The following CAMLG variants were observed in gnomAD, a reference collection of about 807,000 sequenced individuals.
CAMLG encodes calcium modulating ligand, also known as guided entry of tail-anchored proteins factor CAMLG.
In CAMLG, 23 loss-of-function variants were observed where a neutral mutation model predicts 28.9. The ratio of observed to expected loss-of-function variants is 0.80; its 90% CI spans 0.57 to 1.13. CAMLG has a LOEUF of 1.13. Ranked by LOEUF, CAMLG falls within the 50% of genes most tolerant of loss-of-function variation. The pLI is 0.00. For missense variants in CAMLG, 367 were observed against 371.9 expected (o/e 0.99, Z 0.11); for synonymous variants, 141 against 146.5 (o/e 0.96, Z 0.27).
intron 3 of CAMLG, among the ~76,000 whole-genome samples, chr5:134,744,527 C>CAA (rs751658223): frequency 3.1e-4 from 19 of 60,526 alleles, no homozygotes; most frequent in African/African-American, 6.3e-4. Flanking sequence ...ACTCTGTCTC[C>CAA]AAAAAAAAAA....
At position 134,738,669 on chromosome 5, in the gene CAMLG, C is replaced by T. The variant is rs376579627; in HGVS notation, c.49C>T (p.Pro17Ser). The T allele has an allele frequency of 5.6e-6, 9 of 1,613,520 alleles. No individual in the cohort carries two copies. Among genetic ancestry groups the T allele is most frequent in the Non-Finnish European group, 7.6e-6 (9 of 1,179,814 alleles). The change falls in exon 1 of 4, where the codon CCA becomes TCA. Residue 17 changes from proline to serine, a missense_variant. Pro to Ser is a moderately conservative substitution (Grantham distance 74, BLOSUM62 -1). Transcript: ENST00000297156. ...ATDGGERPGV[P>S]AGSGLSASQR... ...CGACGGCGGGGAGAGGCCGGGGGTC[C>T]CAGCGGGCTCAGGTCTGTCGGCTTC...
intron 3 of CAMLG, among the ~76,000 whole-genome samples, chr5:134,746,130 T>G (rs1449714335): frequency 1.4e-5 from 1 of 70,654 alleles, no homozygotes; most frequent in Non-Finnish European, 2.8e-5. Context: ...AAAGCAAAAC[T>G]CCATCTCAAA....
chr5:134,748,407 G>A (rs1753076150), intron 3 of CAMLG, among the ~76,000 whole-genome samples: 1 of 152,082 alleles, frequency 6.6e-6, no homozygotes, highest in Non-Finnish European at 1.5e-5. Context: ...GCATGATGGT[G>A]GGTACCTATA....
In CAMLG at chr5:134,750,879, C is replaced by T; in HGVS notation, c.820C>T (p.Leu274Phe). The T allele has an allele frequency of 6.2e-7, 1 of 1,613,674 alleles. No homozygotes were observed. The highest frequency in any genetic ancestry group is 8.5e-7 in the Non-Finnish European group (1 of 1,179,782). Residue 274 changes from leucine to phenylalanine, a missense_variant, in exon 4 of 4, where the codon CTC becomes TTC. Coordinates refer to ENST00000297156, the MANE Select transcript of CAMLG (RefSeq NM_001745.4). The stretch of plus-strand genomic sequence containing the variant: ...CAAAATGGGCGAAGTCTTCACAGAT[C>T]TCTGTGTCTACTTTTTCACTTTTAT... Reference protein sequence around the residue: ...YSKMGEVFTDLCVYFFTFIFC... With the variant: ...YSKMGEVFTDFCVYFFTFIFC...
intron 1 of CAMLG, among the ~76,000 whole-genome samples, chr5:134,740,588 C>T (rs2150120628): frequency 6.6e-6 from 1 of 152,152 alleles, no homozygotes; most frequent in South Asian, 2.1e-4. Flanking sequence ...GAGGAAGAAT[C>T]CAGCTTTTTT....
intron 2 of CAMLG, among the ~76,000 whole-genome samples, chr5:134,742,007 A>C (rs570508929): frequency 2.0e-5 from 3 of 152,236 alleles, no homozygotes; most frequent in Admixed American, 6.5e-5. Flanking sequence ...AACAAATAGT[A>C]AATAATACAA....
At position 134,750,901 on chromosome 5, in the gene CAMLG, T is replaced by G. The variant is rs759030222; in HGVS notation, c.842T>G (p.Phe281Cys). 1.2e-6 allele frequency: 2 copies of G among 1,614,102 alleles called. No individual in the cohort carries two copies. Among genetic ancestry groups the G allele is most frequent in the Non-Finnish European group, 1.7e-6 (2 of 1,180,012 alleles). The stretch of plus-strand genomic sequence containing the variant: ...GATCTCTGTGTCTACTTTTTCACTT[T>G]TATCTTTTGTCATGAACTGCTTGAT... ...FTDLCVYFFT[F>C]IFCHELLDYW... Residue 281 changes from phenylalanine (F) to cysteine (C), a missense_variant, in exon 4 of 4, where the codon TTT (phenylalanine) becomes TGT (cysteine). Transcript: ENST00000297156.
At position 134,741,432 on chromosome 5, in the gene CAMLG, C is replaced by A. The variant is rs1032082099; in HGVS notation, c.542C>A (p.Thr181Lys). The change falls in exon 2 of 4, where the codon ACA becomes AAA. Residue 181 changes from threonine (T) to lysine (K), a missense_variant. Physicochemically the swap from Thr to Lys is moderately conservative, Grantham distance 78. Transcript: ENST00000297156. The part of the protein sequence containing the change: ...SEKPSQEDGN[T>K]TEEFDSFRIF... ...AAACCCAGTCAAGAGGATGGAAATA[C>A]AACAGAAGAATTTGACTCTTTTCGA... The A allele has an allele frequency of 6.2e-7, 1 of 1,613,830 alleles. No homozygotes were observed. Among genetic ancestry groups the A allele is most frequent in the Non-Finnish European group, 8.5e-7 (1 of 1,179,702 alleles).
intron 3 of CAMLG, among the ~76,000 whole-genome samples, chr5:134,746,813 CGTG>C: frequency 6.6e-6 from 1 of 150,972 alleles, no homozygotes; most frequent in East Asian, 2.0e-4. Context: ...GTTGGCCAGG[CGTG>C]GTGCCTCACG....
At chr5:134,741,714 T>G (rs1287230298) in intron 2 of CAMLG, among the ~76,000 whole-genome samples, 191 bp downstream of exon 2, 1 of 152,240 alleles carries the variant, frequency 6.6e-6, no homozygotes, top group Non-Finnish European at 1.5e-5. Context: ...ATACAGAGCC[T>G]AATAATTACT....
At chr5:134,747,865 C>CT (rs112151765) in intron 3 of CAMLG, among the ~76,000 whole-genome samples, 1,994 of 137,466 alleles carry the variant, frequency 0.015, 27 homozygotes, top group Admixed American at 0.034. Context: ...TGGTCTCTTT[C>CT]TTTTTTTTTT....
chr5:134,746,884 T>A (rs1243612760), intron 3 of CAMLG, among the ~76,000 whole-genome samples: 1 of 151,908 alleles, frequency 6.6e-6, no homozygotes, highest in Non-Finnish European at 1.5e-5. Flanking sequence ...GGCTGGGAGT[T>A]CTTGACCAAC....
chr5:134,745,798 C>T (rs1288346933), intron 3 of CAMLG, among the ~76,000 whole-genome samples: 1 of 150,142 alleles, frequency 6.7e-6, no homozygotes, highest in African/African-American at 2.5e-5. Flanking sequence ...TGTAGTTTTG[C>T]AGTAGCAAAG....
chr5:134,743,291 T>TAA (rs1753006019), intron 2 of CAMLG, among the ~76,000 whole-genome samples: 1 of 152,218 alleles, frequency 6.6e-6, no homozygotes, highest in Non-Finnish European at 1.5e-5. Context: ...ATACTTTAAA[T>TAA]AATTTAAAAG....
Position 134,738,559 on chromosome 5 carries a change from G to A in CAMLG, c.-62G>A, listed in dbSNP as rs1197511163. On this transcript the variant is annotated 5_prime_UTR_variant, in exon 1 of 4. Transcript: ENST00000297156. ...CCCTGCGGCCCGGCCTCTAGTCATC[G>A]CCCTCGCAGCGGCGGCCAACATCAC... 6.9e-5 allele frequency: 96 copies of A among 1,392,380 alleles called. No homozygotes were observed. Among genetic ancestry groups the A allele is most frequent in the Non-Finnish European group, 9.3e-5 (96 of 1,031,888 alleles). The allele number at this position is 1,392,380 out of a possible 1,614,324, so 86.3% of individuals were successfully genotyped here.
chr5:134,745,901 G>T (rs1399489748), intron 3 of CAMLG, among the ~76,000 whole-genome samples: 3 of 151,874 alleles, frequency 2.0e-5, no homozygotes, highest in African/African-American at 4.8e-5. Context: ...CACTTTGGGA[G>T]GCCGAGGCGG....
At chr5:134,738,832 C>A (rs1278971233) in intron 1 of CAMLG, 40 bp downstream of exon 1, 2 of 1,601,202 alleles carry the variant, frequency 1.2e-6, no homozygotes, top group South Asian at 2.2e-5. Context: ...CGCCCATCAC[C>A]TTGAATCTTC....
rs953532418 is a variant in CAMLG at position 134,751,060 on chromosome 5, C to T, written c.*110C>T. The T allele has an allele frequency of 4.2e-6, 3 of 709,022 alleles. No individual in the cohort carries two copies. The highest frequency in any genetic ancestry group is 6.9e-6 in the Non-Finnish European group (3 of 432,630). 43.9% of individuals were successfully genotyped at this position (709,022 alleles called of 1,614,324 possible). On this transcript the variant is annotated 3_prime_UTR_variant, in exon 4 of 4. Coordinates refer to ENST00000297156, the MANE Select transcript of CAMLG (RefSeq NM_001745.4). ...TTTACACCTTCATGTAATTCTTTTACTTTAGGGGTTGTAAAGCTACTTTAT... is the reference window on the plus strand; with the variant it reads ...TTTACACCTTCATGTAATTCTTTTATTTTAGGGGTTGTAAAGCTACTTTAT...
intron 3 of CAMLG, among the ~76,000 whole-genome samples, chr5:134,746,376 T>G (rs764246002): frequency 2.0e-5 from 3 of 152,170 alleles, no homozygotes; most frequent in Non-Finnish European, 4.4e-5. Context: ...ACAATACTTA[T>G]GTGTGTGATA....
Sources: gnomAD v4.1 joint callset for allele counts (sites outside exome capture counted in the v4.1 genomes callset) on GRCh38, gnomAD v4.1.1 for gene constraint, MANE v1.5 for transcripts, NCBI Gene and HGNC (gene_info 2026-07-23, HGNC 2026-07-21) for gene names.